BMP6: variants seen among roughly 807,000 people sequenced by gnomAD.
The protein encoded by BMP6 is bone morphogenetic protein 6.
In BMP6, 17 loss-of-function variants were observed where a neutral mutation model predicts 54.1. The ratio of observed to expected loss-of-function variants is 0.31; its 90% CI spans 0.22 to 0.47. The LOEUF is 0.47. BMP6 is among the 20% of genes least tolerant of loss of function. The pLI is 1.00. For missense variants in BMP6, 720 were observed against 690.4 expected (o/e 1.04, Z -0.48); for synonymous variants, 328 against 291.2 (o/e 1.13, Z -1.28).
intron 1 of BMP6, among the ~76,000 whole-genome samples, chr6:7,838,919 G>A (rs1758920596): frequency 6.8e-6 from 1 of 146,474 alleles, no homozygotes; most frequent in Admixed American, 6.9e-5. Flanking sequence ...TCCAGCCTGG[G>A]TGACAGAGCG....
chr6:7,808,394 C>T (rs1231908809), intron 1 of BMP6, among the ~76,000 whole-genome samples: 1 of 152,138 alleles, frequency 6.6e-6, no homozygotes, highest in Non-Finnish European at 1.5e-5. Context: ...CCAGAAACTG[C>T]TCAGAGCCTC....
chr6:7,854,184 A>G (rs989934073), intron 2 of BMP6, among the ~76,000 whole-genome samples: 8 of 152,200 alleles, frequency 5.3e-5, no homozygotes, highest in East Asian at 1.9e-4. Flanking sequence ...TATGCCTTAT[A>G]TATTTATCAT....
chr6:7,808,333 T>C (rs1758382551), intron 1 of BMP6, among the ~76,000 whole-genome samples: 1 of 152,206 alleles, frequency 6.6e-6, no homozygotes, highest in African/African-American at 2.4e-5. Flanking sequence ...GATTTACTGA[T>C]AGGTGGATGA....
At chr6:7,801,245 C>T (rs922688392) in intron 1 of BMP6, among the ~76,000 whole-genome samples, 6 of 152,148 alleles carry the variant, frequency 3.9e-5, no homozygotes, top group African/African-American at 1.4e-4. Flanking sequence ...AATTTCCAAA[C>T]TGCTTTGTTT....
intron 4 of BMP6, among the ~76,000 whole-genome samples, chr6:7,873,393 G>A (rs1000974506): frequency 3.9e-5 from 6 of 152,206 alleles, no homozygotes; most frequent in Non-Finnish European, 8.8e-5. Flanking sequence ...CTTAGGCAAG[G>A]TCAAGGGGAT....
rs137943120 is a variant in BMP6 at position 7,834,539 on chromosome 6, C to A, written c.665-10601C>A. Among the ~76,000 whole-genome samples the A allele has an allele frequency of 1.7e-3, 247 of 148,710 alleles. 2 individuals are homozygous for A. The highest frequency in any genetic ancestry group is 6.0e-3 in the African/African-American group (238 of 39,674). On this transcript the variant is annotated intron_variant, in intron 1 of 6. Coordinates refer to ENST00000283147, the MANE Select transcript of BMP6 (RefSeq NM_001718.6). The stretch of plus-strand genomic sequence containing the variant: ...AATTTGAATTTTTTTTTTTTAAAAT[C>A]ATTGAGGTGGAAAAACTAGGGTGTG...
chr6:7,821,035 G>C (rs551755521), intron 1 of BMP6, among the ~76,000 whole-genome samples: 48 of 152,378 alleles, frequency 3.2e-4, no homozygotes, highest in Admixed American at 1.5e-3. Flanking sequence ...CCCTAACAGG[G>C]CACAGGCCAG....
intron 4 of BMP6, among the ~76,000 whole-genome samples, chr6:7,874,923 A>G (rs1266651902): frequency 8.9e-5 from 10 of 112,350 alleles, no homozygotes; most frequent in Admixed American, 6.0e-4. Context: ...AATAGGATAT[A>G]TGGAGATATA....
At chr6:7,779,273 C>T (rs1215685709) in intron 1 of BMP6, among the ~76,000 whole-genome samples, 1 of 152,076 alleles carries the variant, frequency 6.6e-6, no homozygotes, top group Non-Finnish European at 1.5e-5. Context: ...TTATCAGCTC[C>T]ACTCTACACC....
intron 4 of BMP6, among the ~76,000 whole-genome samples, chr6:7,874,631 C>T (rs958023592): frequency 6.6e-6 from 1 of 152,000 alleles, no homozygotes; most frequent in Non-Finnish European, 1.5e-5. Context: ...TGATGTACAC[C>T]CAGCTACTCG....
chr6:7,751,319 A>G (rs1489462286), intron 1 of BMP6, among the ~76,000 whole-genome samples: 2 of 152,374 alleles, frequency 1.3e-5, no homozygotes, highest in East Asian at 3.9e-4. Context: ...AAAATGTAGT[A>G]GACATGTCAA....
rs937163458 is a variant in BMP6 at position 7,880,229 on chromosome 6, G to A, written c.1428G>A (p.Pro476=). Residue 476 remains proline, a synonymous_variant, in exon 7 of 7, where the codon CCG becomes CCA. Transcript: ENST00000283147. ...HLMNPEYVPK[P]CCAPTKLNAI... Reference sequence around the variant, plus strand: ...TGAACCCCGAGTATGTCCCCAAACCGTGCTGTGCGCCAACTAAGCTAAATG... The same window carrying A: ...TGAACCCCGAGTATGTCCCCAAACCATGCTGTGCGCCAACTAAGCTAAATG... 8.1e-6 allele frequency: 13 copies of A among 1,613,982 alleles called. No homozygotes were observed. The Admixed American group carries it at 1.0e-4, about 12-fold the overall frequency.
At chr6:7,799,788 C>A in intron 1 of BMP6, among the ~76,000 whole-genome samples, 1 of 150,958 alleles carries the variant, frequency 6.6e-6, no homozygotes, top group East Asian at 1.9e-4. Context: ...AGCATATTAT[C>A]ATAGAGTCTT....
chr6:7,815,520 GTTACTT>G (rs1354945800), intron 1 of BMP6, among the ~76,000 whole-genome samples: 1 of 152,146 alleles, frequency 6.6e-6, no homozygotes, highest in African/African-American at 2.4e-5. Flanking sequence ...AGTACCTACT[GTTACTT>G]TTGCTAAGTT....
intron 1 of BMP6, among the ~76,000 whole-genome samples, chr6:7,834,420 A>G (rs766741103): frequency 5.9e-5 from 9 of 152,178 alleles, no homozygotes; most frequent in Non-Finnish European, 4.4e-5. Flanking sequence ...ACAATAATAT[A>G]GAAATACAGA....
At chr6:7,759,282 G>T (rs577600373) in intron 1 of BMP6, among the ~76,000 whole-genome samples, 30 of 152,306 alleles carry the variant, frequency 2.0e-4, no homozygotes, top group Admixed American at 6.5e-4. Context: ...CATTGCCACA[G>T]AATCTGGCCA....
chr6:7,838,651 G>A (rs895667110), intron 1 of BMP6, among the ~76,000 whole-genome samples: 2 of 152,176 alleles, frequency 1.3e-5, no homozygotes, highest in Admixed American at 6.5e-5. Flanking sequence ...CATTAAGAAT[G>A]TCCTTAGCTG....
chr6:7,862,649 C>T (rs889740315), intron 4 of BMP6, 151 bp downstream of exon 4: 28 of 1,062,120 alleles, frequency 2.6e-5, no homozygotes, highest in Middle Eastern at 3.0e-4. Flanking sequence ...CTTGTACAGT[C>T]GCAGAACATC....
intron 4 of BMP6, among the ~76,000 whole-genome samples, chr6:7,875,219 G>A (rs998226106): frequency 8.5e-5 from 13 of 152,140 alleles, no homozygotes; most frequent in Admixed American, 2.6e-4. Flanking sequence ...GACCCAGCTC[G>A]ATAAAAGAGA....
Sources: gnomAD v4.1 joint callset for allele counts (sites outside exome capture counted in the v4.1 genomes callset) on GRCh38, gnomAD v4.1.1 for gene constraint, MANE v1.5 for transcripts, NCBI Gene and HGNC (gene_info 2026-07-23, HGNC 2026-07-21) for gene names.